Variants in ZFAT observed in about 807,000 individuals in gnomAD.
ZFAT encodes zinc finger and AT-hook domain containing.
Under a neutral mutation model 117.7 loss-of-function variants are expected in ZFAT, and 64 were observed. The observed-to-expected ratio is 0.54, with a 90% CI of 0.44 to 0.67. The LOEUF (loss-of-function observed/expected upper bound fraction) is 0.67, where lower values mean the gene tolerates loss of function less well. Ranked by LOEUF, ZFAT falls within the 30% of genes least tolerant of loss-of-function variation. The pLI, the probability that ZFAT is intolerant of heterozygous loss-of-function variation, is 0.00. For missense variants in ZFAT, 1,433 were observed against 1,584.5 expected (o/e 0.90, Z 1.62); for synonymous variants, 679 against 615.0 (o/e 1.10, Z -1.54).
At chr8:134,600,347 G>A (rs780061845) in intron 7 of ZFAT, 89 bp downstream of exon 7, 2 of 1,170,058 alleles carry the variant, frequency 1.7e-6, no homozygotes, top group Non-Finnish European at 2.6e-6. Flanking sequence ...GGGCTGACCT[G>A]CAGCAGAGAC....
intron 7 of ZFAT, among the ~76,000 whole-genome samples, chr8:134,592,137 T>C (rs1464831618): frequency 6.6e-6 from 1 of 152,230 alleles, no homozygotes; most frequent in Non-Finnish European, 1.5e-5. Context: ...GAAGGACTAA[T>C]TCCCTCTACT....
At chr8:134,594,820 C>T (rs1240793584) in intron 7 of ZFAT, 1 of 152,200 alleles carries the variant, frequency 6.6e-6, no homozygotes. Flanking sequence ...CTCCCAAGCT[C>T]AGACTGTAAC....
At chr8:134,566,475 T>C in intron 10 of ZFAT, among the ~76,000 whole-genome samples, 1 of 149,658 alleles carries the variant, frequency 6.7e-6, no homozygotes, top group East Asian at 2.0e-4. Context: ...TTAATAGATA[T>C]ATGAGGTACC....
chr8:134,805,211 T>C, the ZFAT span, among the ~76,000 whole-genome samples: 2 of 151,826 alleles, frequency 1.3e-5, no homozygotes, highest in Admixed American at 6.6e-5. Context: ...CCTGATATCC[T>C]ACATGAGGAT....
At chr8:134,510,121 A>G (rs2289547) in intron 14 of ZFAT, 198,361 of 459,282 alleles carry the variant, frequency 0.43, 45,512 homozygotes, top group African/African-American at 0.7. Context: ...TCCTGGGAGC[A>G]CCCAGCAAGC....
the ZFAT span, among the ~76,000 whole-genome samples, chr8:134,718,826 A>C: frequency 3.3e-5 from 5 of 152,242 alleles, no homozygotes; most frequent in African/African-American, 1.2e-4. Context: ...AGAAGAGAAA[A>C]TAACTATTTC....
At chr8:134,774,660 C>A in the ZFAT span, among the ~76,000 whole-genome samples, 1 of 152,148 alleles carries the variant, frequency 6.6e-6, no homozygotes, top group African/African-American at 2.4e-5. Context: ...ACTGGGAAAT[C>A]AAAAAACTTG....
intron 11 of ZFAT, among the ~76,000 whole-genome samples, chr8:134,552,432 T>C (rs984079910): frequency 6.6e-6 from 1 of 152,242 alleles, no homozygotes; most frequent in African/African-American, 2.4e-5. Context: ...AAATCGGTGA[T>C]TGAGATCTCC....
the ZFAT span, among the ~76,000 whole-genome samples, chr8:134,755,880 A>G: frequency 6.6e-6 from 1 of 151,894 alleles, no homozygotes; most frequent in Admixed American, 6.6e-5. Context: ...ATTTCCTTTC[A>G]CTTGCAACCG....
the ZFAT span, among the ~76,000 whole-genome samples, chr8:134,738,687 G>A: frequency 6.6e-6 from 1 of 152,156 alleles, no homozygotes; most frequent in African/African-American, 2.4e-5. Flanking sequence ...GGTGCAGAGA[G>A]GGGAGGCACA....
chr8:134,773,182 G>A, the ZFAT span, among the ~76,000 whole-genome samples: 3 of 151,932 alleles, frequency 2.0e-5, no homozygotes, highest in African/African-American at 7.3e-5. Flanking sequence ...TGCAGCTGGT[G>A]ACTTTAAGTT....
chr8:134,827,687 G>A, the ZFAT span, among the ~76,000 whole-genome samples: 1 of 150,856 alleles, frequency 6.6e-6, no homozygotes, highest in Non-Finnish European at 1.5e-5. Flanking sequence ...AGAATTGCTT[G>A]AACCCGGGAG....
the ZFAT span, chr8:134,795,948 G>A: frequency 1.3e-5 from 2 of 152,150 alleles, no homozygotes; most frequent in Admixed American, 6.5e-5. Context: ...TTGGGGTATT[G>A]ATTTCTGAAC....
At chr8:134,604,238 G>A (rs1827718999) in intron 5 of ZFAT, among the ~76,000 whole-genome samples, 3 of 152,192 alleles carry the variant, frequency 2.0e-5, no homozygotes, top group Admixed American at 2.0e-4. Flanking sequence ...AGAAAACTGA[G>A]TATTTGCCCC....
chr8:134,497,899 G>T (rs1473551508), intron 15 of ZFAT, among the ~76,000 whole-genome samples: 1 of 138,202 alleles, frequency 7.2e-6, no homozygotes, highest in African/African-American at 2.7e-5. Flanking sequence ...AGCCTGATTT[G>T]GTAGGGTTGG....
At position 134,478,997 on chromosome 8, in the gene ZFAT, C is replaced by T. The variant is rs577990858; in HGVS notation, c.3493-276G>A. 2.6e-5 allele frequency among the ~76,000 whole-genome samples: 4 copies of T among 152,078 alleles called. No homozygotes were observed. The highest frequency in any genetic ancestry group is 1.9e-4 in the East Asian group (1 of 5,182). On this transcript the variant is annotated intron_variant, in intron 15 of 15. Transcript: ENST00000377838. The surrounding 1 kb of genome is among the most constrained non-coding windows in gnomAD (Gnocchi z 5.2). Reference sequence around the variant, plus strand: ...CAGAGTCCGAGGTTGTTTCTGATGCCGAGCTGCTTCCCGGGGCTTCCAGGA... The same window carrying T: ...CAGAGTCCGAGGTTGTTTCTGATGCTGAGCTGCTTCCCGGGGCTTCCAGGA...
chr8:134,478,363 G>A lies in ZFAT; in HGVS notation c.*119C>T. ...TAGGAGAGTCCTATCAGGCTGCTGG[G>A]CAGGGAGGGCAAAGGAGAGCACCAT... On this transcript the variant is annotated 3_prime_UTR_variant, in exon 16 of 16. Coordinates refer to ENST00000377838, the MANE Select transcript of ZFAT (RefSeq NM_020863.4). The surrounding 1 kb of genome is among the most constrained non-coding windows in gnomAD (Gnocchi z 5.2). 8.4e-6 allele frequency: 12 copies of A among 1,423,506 alleles called. No homozygotes were observed. Among genetic ancestry groups the A allele is most frequent in the South Asian group, 1.4e-5 (1 of 70,948 alleles). The allele number at this position is 1,423,506 out of a possible 1,614,324, so 88.2% of individuals were successfully genotyped here. A position where few individuals can be genotyped will look rare whatever the true frequency, so the allele number is the denominator to read the frequency against.
the ZFAT span, among the ~76,000 whole-genome samples, chr8:134,720,205 G>A: frequency 1.3e-5 from 2 of 152,208 alleles, no homozygotes; most frequent in African/African-American, 4.8e-5. Flanking sequence ...GGGTGACCTC[G>A]GCAACCCTGC....
the ZFAT span, among the ~76,000 whole-genome samples, chr8:134,744,182 A>G: frequency 6.6e-6 from 1 of 152,008 alleles, no homozygotes; most frequent in Non-Finnish European, 1.5e-5. Context: ...TTCCAAGCTC[A>G]CTGGTGGTTG....
Sources: gnomAD v4.1 joint callset for allele counts (sites outside exome capture counted in the v4.1 genomes callset) on GRCh38, gnomAD v4.1.1 for gene constraint, Gnocchi (gnomAD v3.1) non-coding constraint, MANE v1.5 for transcripts, NCBI Gene and HGNC (gene_info 2026-07-23, HGNC 2026-07-21) for gene names.